The following FSIP1 variants were observed in gnomAD, a reference collection of about 807,000 sequenced individuals.
The protein encoded by FSIP1 is fibrous sheath interacting protein 1, also known as fibrous sheath-interacting protein 1.
FSIP1 carries 65 observed loss-of-function variants against 60.9 expected under a neutral mutation model. The observed-to-expected ratio is 1.07, with a 90% CI of 0.87 to 1.31. The LOEUF is 1.31. Among genes scored for constraint, FSIP1 ranks in the 40% most tolerant of loss-of-function variants. The pLI, the probability that FSIP1 is intolerant of heterozygous loss-of-function variation, is 0.00. For synonymous variants in FSIP1, 209 were observed against 221.2 expected, an observed-to-expected ratio of 0.94 and a Z score of 0.49; for missense variants, 675 against 665.5, an observed-to-expected ratio of 1.01 and a Z score of -0.16.
At chr15:39,649,480 G>A (rs1892775489) in intron 10 of FSIP1, among the ~76,000 whole-genome samples, 2 of 152,120 alleles carry the variant, frequency 1.3e-5, no homozygotes. Context: ...TGACTGAGAT[G>A]GAATTTACTC....
intron 5 of FSIP1, among the ~76,000 whole-genome samples, chr15:39,753,720 A>T (rs980180412): frequency 1.3e-5 from 2 of 152,060 alleles, no homozygotes; most frequent in African/African-American, 4.8e-5. Flanking sequence ...GTTAAAAAGG[A>T]CACAAAAATT....
At chr15:39,757,955 T>C (rs1168112291) in intron 5 of FSIP1, among the ~76,000 whole-genome samples, 1 of 152,150 alleles carries the variant, frequency 6.6e-6, no homozygotes, top group Non-Finnish European at 1.5e-5. Flanking sequence ...ATCTAAAAAT[T>C]GAAGCTTTAA....
In FSIP1 at chr15:39,625,789, A is replaced by T. The variant is rs145844041; in HGVS notation, c.1189-7544T>A. The stretch of plus-strand genomic sequence containing the variant: ...GCACAGATTTGCATAAAGAGCCTAA[A>T]AAGGGGCCCCTGATTGAGTAGTTCT... On this transcript the variant is annotated intron_variant, in intron 10 of 11. Coordinates refer to ENST00000350221, the MANE Select transcript of FSIP1 (RefSeq NM_152597.5). Among the ~76,000 whole-genome samples, 837 of 152,322 alleles carry T rather than the reference A, an allele frequency of 5.5e-3. 11 individuals are homozygous for T. Among genetic ancestry groups the T allele is most frequent in the African/African-American group, 0.019 (780 of 41,566 alleles).
chr15:39,707,848 C>G (rs1439988247), intron 10 of FSIP1, among the ~76,000 whole-genome samples: 1 of 152,048 alleles, frequency 6.6e-6, no homozygotes, highest in African/African-American at 2.4e-5. Flanking sequence ...CCACCAAGCC[C>G]CCTATATAAA....
At chr15:39,776,182 G>A (rs112208753) in intron 2 of FSIP1, among the ~76,000 whole-genome samples, 3,640 of 75,070 alleles carry the variant, frequency 0.048, 268 homozygotes, top group African/African-American at 0.14. Context: ...GAGGGGAGGG[G>A]CGGAGGGAGG....
chr15:39,625,888 G>C (rs1046490572), intron 10 of FSIP1, among the ~76,000 whole-genome samples: 17 of 152,202 alleles, frequency 1.1e-4, no homozygotes, highest in African/African-American at 4.1e-4. Context: ...CTTTAGAGCA[G>C]CTAGCTCCCA....
chr15:39,727,204 A>G (rs1896233658), intron 8 of FSIP1, among the ~76,000 whole-genome samples: 3 of 152,246 alleles, frequency 2.0e-5, no homozygotes, highest in African/African-American at 7.2e-5. Flanking sequence ...TCTTTCATTC[A>G]ACTAATGTTT....
At chr15:39,745,206 T>G (rs2140654955) in intron 5 of FSIP1, among the ~76,000 whole-genome samples, 1 of 150,434 alleles carries the variant, frequency 6.6e-6, no homozygotes, top group East Asian at 2.0e-4. Context: ...AGAGCCTCAT[T>G]TCTGAATACT....
At chr15:39,634,051 G>A (rs550225667) in intron 10 of FSIP1, among the ~76,000 whole-genome samples, 13 of 152,226 alleles carry the variant, frequency 8.5e-5, no homozygotes, top group African/African-American at 3.1e-4. Flanking sequence ...CGGACTCCCT[G>A]TGCTCCTCTT....
rs148925501 is a variant in FSIP1, at chr15:39,712,293, C to T, written c.1188+1151G>A. On this transcript the variant is annotated intron_variant, in intron 10 of 11. Coordinates refer to ENST00000350221, the MANE Select transcript of FSIP1 (RefSeq NM_152597.5). ...GGATTGTGGCACACTCTCAGGGGCT[C>T]TGAAGGGCATCACATTTTAAAATCA... 9.2e-5 allele frequency among the ~76,000 whole-genome samples: 14 copies of T among 152,190 alleles called. No homozygotes were observed. The East Asian group carries it at 2.1e-3, about 23-fold the overall frequency.
intron 10 of FSIP1, among the ~76,000 whole-genome samples, chr15:39,646,386 T>A (rs1200885305): frequency 6.6e-6 from 1 of 151,028 alleles, no homozygotes; most frequent in Admixed American, 6.6e-5. Flanking sequence ...ACCAGAAAAA[T>A]CGACACCCAA....
chr15:39,772,623 C>T (rs966713712), intron 2 of FSIP1, among the ~76,000 whole-genome samples: 19 of 151,430 alleles, frequency 1.3e-4, no homozygotes. Context: ...TGGTGTCTCA[C>T]TCTGTCGCTC....
At position 39,666,931 on chromosome 15, in the gene FSIP1, T is replaced by C. The variant is rs147074006; in HGVS notation, c.1188+46513A>G. On this transcript the variant is annotated intron_variant, in intron 10 of 11. Transcript: ENST00000350221. ...ATAAAATAGCCAAGAAGCACACTTA[T>C]GACTGTGAGGTTTACATCTGCTCTT... is the stretch of plus-strand genomic sequence containing the variant. Among the ~76,000 whole-genome samples, 14 of 152,360 alleles carry C rather than the reference T, an allele frequency of 9.2e-5. No homozygotes were observed. The East Asian group carries it at 2.3e-3, about 25-fold the overall frequency.
chr15:39,638,083 C>G (rs192896958), intron 10 of FSIP1, among the ~76,000 whole-genome samples: 13 of 152,330 alleles, frequency 8.5e-5, no homozygotes, highest in African/African-American at 3.1e-4. Flanking sequence ...ATCCCTCATT[C>G]TTTTTTCTGC....
chr15:39,751,822 T>C (rs1897172912), intron 5 of FSIP1, among the ~76,000 whole-genome samples: 1 of 152,004 alleles, frequency 6.6e-6, no homozygotes, highest in Non-Finnish European at 1.5e-5. Flanking sequence ...CTTCCCATGA[T>C]GGGGGTTTGG....
intron 11 of FSIP1, among the ~76,000 whole-genome samples, chr15:39,614,398 G>A (rs977735415): frequency 2.6e-5 from 4 of 152,126 alleles, no homozygotes; most frequent in East Asian, 1.9e-4. Context: ...GAACACTGAT[G>A]AAAGAAAGTG....
intron 10 of FSIP1, 68 bp downstream of exon 10, chr15:39,713,376 G>A: frequency 6.9e-7 from 1 of 1,441,060 alleles, no homozygotes; most frequent in Non-Finnish European, 9.3e-7. Context: ...AGACCAGCCT[G>A]GGCAACATAG....
intron 10 of FSIP1, among the ~76,000 whole-genome samples, chr15:39,644,965 G>A (rs1387168741): frequency 6.6e-6 from 1 of 152,174 alleles, no homozygotes; most frequent in Non-Finnish European, 1.5e-5. Context: ...TCAGAACAAA[G>A]CTGTCATTAA....
chr15:39,668,754 A>T (rs1893601481), intron 10 of FSIP1, among the ~76,000 whole-genome samples: 1 of 152,050 alleles, frequency 6.6e-6, no homozygotes. Context: ...TGCTTACCAC[A>T]CTAGTTCTCA....
Sources: gnomAD v4.1 joint callset for allele counts (sites outside exome capture counted in the v4.1 genomes callset) on GRCh38, gnomAD v4.1.1 for gene constraint, MANE v1.5 for transcripts, NCBI Gene and HGNC (gene_info 2026-07-23, HGNC 2026-07-21) for gene names.